ATRN: variants seen among roughly 807,000 people sequenced by gnomAD.
ATRN encodes attractin-2.
A neutral mutation model predicts 178.7 loss-of-function variants in ATRN; 54 were observed. That is an observed-to-expected ratio of 0.30 (90% CI 0.24 to 0.38). ATRN has a LOEUF of 0.38. Ranked by LOEUF, ATRN falls within the 10% of genes least tolerant of loss-of-function variation. The pLI, the probability that ATRN is intolerant of heterozygous loss-of-function variation, is 1.00. For synonymous variants in ATRN, 636 were observed against 663.0 expected, an observed-to-expected ratio of 0.96 and a Z score of 0.63; for missense variants, 1,443 against 1,815.1, an observed-to-expected ratio of 0.79 and a Z score of 3.73.
intron 1 of ATRN, among the ~76,000 whole-genome samples, chr20:3,477,948 T>C (rs1284380804): frequency 3.3e-5 from 5 of 152,170 alleles, no homozygotes. Context: ...TCTATCCTCA[T>C]TGAAAAAAAT....
At chr20:3,577,045 C>A in intron 14 of ATRN, 48 bp downstream of exon 14, 1 of 1,601,176 alleles carries the variant, frequency 6.2e-7, no homozygotes, top group Non-Finnish European at 8.5e-7. Context: ...ATTACTTCAG[C>A]CTGCTTCCCC....
At chr20:3,602,504 T>C (rs912638714) in intron 23 of ATRN, among the ~76,000 whole-genome samples, 3 of 152,222 alleles carry the variant, frequency 2.0e-5, no homozygotes, top group African/African-American at 7.2e-5. Context: ...GCAATGAGAT[T>C]GATGCAAAAT....
At chr20:3,645,000 TCTC>T (rs2146328954) in intron 28 of ATRN, among the ~76,000 whole-genome samples, 1 of 152,360 alleles carries the variant, frequency 6.6e-6, no homozygotes, top group Non-Finnish European at 1.5e-5. Flanking sequence ...ATGTGACACT[TCTC>T]CATCAAATAT....
intron 25 of ATRN, 28 bp downstream of exon 25, chr20:3,624,600 G>A (rs1172565267): frequency 5.1e-6 from 8 of 1,571,106 alleles, no homozygotes; most frequent in Non-Finnish European, 7.0e-6. Context: ...GACTCTCTCT[G>A]TTCTTTTGAT....
intron 1 of ATRN, among the ~76,000 whole-genome samples, chr20:3,505,511 C>A (rs1349053950): frequency 6.6e-6 from 1 of 152,088 alleles, no homozygotes; most frequent in Non-Finnish European, 1.5e-5. Context: ...TCCCATATAC[C>A]CAATTTGTTC....
At chr20:3,492,908 A>T (rs1260178197) in intron 1 of ATRN, among the ~76,000 whole-genome samples, 2 of 147,672 alleles carry the variant, frequency 1.4e-5, no homozygotes, top group African/African-American at 4.9e-5. Flanking sequence ...TAACTAATAT[A>T]TATAAATACA....
At chr20:3,620,285 C>T (rs2086887040) in intron 24 of ATRN, among the ~76,000 whole-genome samples, 1 of 151,840 alleles carries the variant, frequency 6.6e-6, no homozygotes. Flanking sequence ...CGCTCTGTCA[C>T]CCAGGCTGGA....
chr20:3,528,485 C>G (rs1215490203), intron 1 of ATRN, among the ~76,000 whole-genome samples: 1 of 152,054 alleles, frequency 6.6e-6, no homozygotes, highest in East Asian at 1.9e-4. Context: ...TGAATTAATG[C>G]AGTAACAGAA....
Position 3,633,640 on chromosome 20 carries a change from C to T in ATRN, c.3864-671C>T, listed in dbSNP as rs188765128. Among the ~76,000 whole-genome samples the T allele has an allele frequency of 9.8e-5, 15 of 152,344 alleles. No homozygotes were observed. In the South Asian group the frequency reaches 1.7e-3, roughly 17 times the overall value. ...CTTATTCTTCCTTTTAACCGCAAGT[C>T]AGCTGTTCTCTTTGCCATCACTGTA... is the stretch of plus-strand genomic sequence containing the variant. On this transcript the variant is annotated intron_variant, in intron 25 of 28. Transcript: ENST00000262919.
chr20:3,629,144 C>T (rs561880009), intron 25 of ATRN: 1 of 985,428 alleles, frequency 1.0e-6, no homozygotes, highest in Admixed American at 6.1e-5. Flanking sequence ...CTCCCCACCC[C>T]ACCAACCCTA....
intron 15 of ATRN, among the ~76,000 whole-genome samples, chr20:3,581,279 GTA>G (rs1277890809): frequency 1.3e-5 from 2 of 152,254 alleles, no homozygotes; most frequent in African/African-American, 4.8e-5. Flanking sequence ...GGGAAATACA[GTA>G]TATCTTTTGT....
intron 1 of ATRN, among the ~76,000 whole-genome samples, chr20:3,517,443 G>T (rs2085220962): frequency 1.3e-5 from 2 of 151,818 alleles, no homozygotes; most frequent in African/African-American, 2.4e-5. Context: ...CAAATTTTCT[G>T]CACTGACCAT....
chr20:3,535,368 T>C, intron 2 of ATRN, 32 bp downstream of exon 2: 1 of 1,290,436 alleles, frequency 7.7e-7, no homozygotes, highest in Admixed American at 2.2e-5. Context: ...AATTTTTGTT[T>C]TTTTAGCATA....
rs1021436539 is a variant in ATRN, at chr20:3,648,184, A to T, written c.*1337A>T. The T allele has an allele frequency of 3.2e-5, 1 of 30,912 alleles. No individual in the cohort carries two copies. Among genetic ancestry groups the T allele is most frequent in the African/African-American group, 1.2e-4 (1 of 8,168 alleles). The allele number at this position is 30,912 out of a possible 1,614,324, so 1.9% of individuals were successfully genotyped here. A position where few individuals can be genotyped will look rare whatever the true frequency, so the allele number is the denominator to read the frequency against. On this transcript the variant is annotated 3_prime_UTR_variant, in exon 29 of 29. Coordinates refer to ENST00000262919, the MANE Select transcript of ATRN (RefSeq NM_139321.3). ...CTTTCCCCCAGGAGGGGCTCGACCCACCCACCCTCCCTCTCAGACCAAGGT... is the reference window on the plus strand; with the variant it reads ...CTTTCCCCCAGGAGGGGCTCGACCCTCCCACCCTCCCTCTCAGACCAAGGT...
At chr20:3,540,420 C>T in intron 3 of ATRN, 85 bp downstream of exon 3, 5 of 815,682 alleles carry the variant, frequency 6.1e-6, no homozygotes, top group Non-Finnish European at 1.0e-5. Context: ...ACTGGGTTCA[C>T]CTTTATTATC....
chr20:3,637,874 A>G (rs1394872301), intron 26 of ATRN, among the ~76,000 whole-genome samples: 2 of 152,168 alleles, frequency 1.3e-5, no homozygotes, highest in East Asian at 1.9e-4. Flanking sequence ...CTACTCTGCA[A>G]AATTTCACAT....
chr20:3,524,312 CAAAG>C lies in ATRN; in HGVS notation c.411-10938_411-10935del, dbSNP rs369526583. Among the ~76,000 whole-genome samples the C allele has an allele frequency of 2.0e-4, 30 of 149,710 alleles. No individual in the cohort carries two copies. The East Asian group carries it at 5.7e-3, about 28-fold the overall frequency. On this transcript the variant is annotated intron_variant, in intron 1 of 28. Coordinates refer to ENST00000262919, the MANE Select transcript of ATRN (RefSeq NM_139321.3). ...TCAAACCAACAAAGATCAAAAAAGA[CAAAG>C]AAGGACATTACATAATGTTAAAGAG...
rs184152846 is a variant in ATRN at position 3,498,019 on chromosome 20, A to C, written c.410+26502A>C. On this transcript the variant is annotated intron_variant, in intron 1 of 28. Transcript: ENST00000262919. Reference sequence around the variant, plus strand: ...GGGGATATCACCACCGATCCCACAGAAATACAAACTACCATCAGAGAATAC... The same window carrying C: ...GGGGATATCACCACCGATCCCACAGCAATACAAACTACCATCAGAGAATAC... Among the ~76,000 whole-genome samples the C allele has an allele frequency of 7.8e-3, 1,188 of 152,322 alleles. 16 individuals carry two copies. Among genetic ancestry groups the C allele is most frequent in the African/African-American group, 0.026 (1,091 of 41,562 alleles).
intron 1 of ATRN, among the ~76,000 whole-genome samples, chr20:3,494,788 C>T (rs945720487): frequency 5.3e-5 from 8 of 152,096 alleles, no homozygotes; most frequent in Admixed American, 4.6e-4. Context: ...GTAGATGAAG[C>T]CACGGATGCA....
Sources: gnomAD v4.1 joint callset for allele counts (sites outside exome capture counted in the v4.1 genomes callset) on GRCh38, gnomAD v4.1.1 for gene constraint, MANE v1.5 for transcripts, NCBI Gene and HGNC (gene_info 2026-07-23, HGNC 2026-07-21) for gene names.